Variants in PLEKHB2 observed in about 807,000 individuals in gnomAD.
PLEKHB2 encodes pleckstrin homology domain-containing family B member 2.
PLEKHB2 carries 31 observed loss-of-function variants against 36.5 expected under a neutral mutation model. The observed-to-expected ratio is 0.85, with a 90% CI of 0.64 to 1.15. The LOEUF (loss-of-function observed/expected upper bound fraction) is 1.15. Among genes scored for constraint, PLEKHB2 ranks in the 50% most tolerant of loss-of-function variants. The probability of loss-of-function intolerance (pLI) is 0.00; values close to 1 mark genes in which losing one functional copy is unlikely to be tolerated. For synonymous variants in PLEKHB2, 119 were observed against 112.0 expected, an observed-to-expected ratio of 1.06 and a Z score of -0.39; for missense variants, 262 against 295.3, an observed-to-expected ratio of 0.89 and a Z score of 0.83.
chr2:131,123,211 G>T (rs1451794544), intron 2 of PLEKHB2, among the ~76,000 whole-genome samples: 1 of 152,192 alleles, frequency 6.6e-6, no homozygotes, highest in Non-Finnish European at 1.5e-5. Flanking sequence ...ATCCCCATAT[G>T]TATGGGTTAA....
intron 1 of PLEKHB2, among the ~76,000 whole-genome samples, chr2:131,111,090 C>T (rs1454588014): frequency 2.0e-5 from 3 of 152,068 alleles, no homozygotes; most frequent in African/African-American, 7.2e-5. Context: ...CTGCAACCTC[C>T]GTCTCCCGGG....
chr2:131,137,834 C>T (rs1044146410), intron 6 of PLEKHB2, among the ~76,000 whole-genome samples: 18 of 151,732 alleles, frequency 1.2e-4, no homozygotes, highest in Non-Finnish European at 2.5e-4. Flanking sequence ...GTGTGGATTT[C>T]TTTGGGATTA....
intron 4 of PLEKHB2, among the ~76,000 whole-genome samples, chr2:131,128,805 A>G (rs973810027): frequency 6.6e-6 from 1 of 152,232 alleles, no homozygotes; most frequent in African/African-American, 2.4e-5. Flanking sequence ...TGTACAACCC[A>G]AAAGAGAGAA....
intron 1 of PLEKHB2, among the ~76,000 whole-genome samples, chr2:131,106,521 A>C (rs1299491986): frequency 1.3e-5 from 2 of 152,208 alleles, no homozygotes; most frequent in African/African-American, 4.8e-5. Flanking sequence ...ATGCACAGAC[A>C]CAGCTGTGCG....
intron 5 of PLEKHB2, among the ~76,000 whole-genome samples, chr2:131,131,723 A>G (rs572997655): frequency 6.6e-6 from 1 of 151,552 alleles, no homozygotes; most frequent in East Asian, 1.9e-4. Context: ...AGCTTACTCT[A>G]CAGCCGCAGT....
chr2:131,137,493 T>C (rs960465173), intron 6 of PLEKHB2, among the ~76,000 whole-genome samples: 1 of 152,220 alleles, frequency 6.6e-6, no homozygotes, highest in Non-Finnish European at 1.5e-5. Flanking sequence ...TGACAGTTTG[T>C]AGTTTTTGTG....
chr2:131,126,901 G>T, intron 4 of PLEKHB2, 115 bp downstream of exon 4: 1 of 644,310 alleles, frequency 1.6e-6, no homozygotes. Context: ...CAGAATAAGG[G>T]ACTCAGTGGA....
intron 7 of PLEKHB2, among the ~76,000 whole-genome samples, chr2:131,143,827 G>A (rs1699022017): frequency 6.6e-6 from 1 of 152,206 alleles, no homozygotes; most frequent in Non-Finnish European, 1.5e-5. Context: ...TAGGGCTGTT[G>A]CCGCTGTTTC....
chr2:131,123,673 C>T (rs922827047), intron 2 of PLEKHB2, among the ~76,000 whole-genome samples: 10 of 150,748 alleles, frequency 6.6e-5, no homozygotes, highest in Admixed American at 1.3e-4. Context: ...TACAGGTGTG[C>T]GCCACCATGC....
chr2:131,141,689 A>T (rs1225128536), intron 7 of PLEKHB2, among the ~76,000 whole-genome samples: 1 of 151,896 alleles, frequency 6.6e-6, no homozygotes, highest in African/African-American at 2.4e-5. Context: ...ATATTTGTCC[A>T]TTGTCTTGTG....
rs1227710914 is a variant in PLEKHB2, at chr2:131,125,759, T to G, written c.44T>G (p.Ile15Ser). ...TACTATTTTTTTTTTCCAGGTACTATTTTGAAGCGCTGGAAGAAGAACTGG... is the reference window on the plus strand; with the variant it reads ...TACTATTTTTTTTTTCCAGGTACTAGTTTGAAGCGCTGGAAGAAGAACTGG... ...KSGWLLRQSTILKRWKKNWFD... is the reference protein window; with the variant it reads ...KSGWLLRQSTSLKRWKKNWFD... The change falls in exon 3 of 8, where the codon ATT (isoleucine) becomes AGT (serine). Residue 15 changes from isoleucine (I) to serine (S), a missense_variant. Physicochemically the swap from Ile to Ser is moderately radical, Grantham distance 142 (BLOSUM62 -2). Coordinates refer to ENST00000693505, the MANE Select transcript of PLEKHB2 (RefSeq NM_001100623.2). The G allele has an allele frequency of 6.2e-7, 1 of 1,606,732 alleles. No homozygotes were observed. Among genetic ancestry groups the G allele is most frequent in the Non-Finnish European group, 8.5e-7 (1 of 1,177,064 alleles).
At chr2:131,141,639 C>CAAAAAAAAAAAAAAAAAAAAAAAAAAA (rs771541896) in intron 7 of PLEKHB2, among the ~76,000 whole-genome samples, 1 of 57,130 alleles carries the variant, frequency 1.8e-5, no homozygotes, top group Admixed American at 1.9e-4. Context: ...GACTCCGTCT[C>CAAAAAAAAAAAAAAAAAAAAAAAAAAA]AAAAAAAAAA....
chr2:131,122,492 G>A (rs867295999), intron 2 of PLEKHB2, among the ~76,000 whole-genome samples: 4 of 152,306 alleles, frequency 2.6e-5, no homozygotes, highest in African/African-American at 9.6e-5. Context: ...TTTACGAATT[G>A]TTTGTGTTCC....
rs1314961460 is a variant in PLEKHB2 at position 131,133,117 on chromosome 2, T to C, written c.423+126T>C. 1.9e-5 allele frequency: 12 copies of C among 644,976 alleles called. No homozygotes were observed. The African/African-American group carries it at 2.2e-4, about 12-fold the overall frequency. The allele number at this position is 644,976 out of a possible 1,614,324, so 40.0% of individuals were successfully genotyped here. A position where few individuals can be genotyped will look rare whatever the true frequency, so the allele number is the denominator to read the frequency against. On this transcript the variant is annotated intron_variant, in intron 6 of 7. Coordinates refer to ENST00000693505, the MANE Select transcript of PLEKHB2 (RefSeq NM_001100623.2). ...ACCTTTTCTTCTTAAAACAGATGATTTCTTATCAACGTTTGTTTTCATGAA... is the reference window on the plus strand; with the variant it reads ...ACCTTTTCTTCTTAAAACAGATGATCTCTTATCAACGTTTGTTTTCATGAA...
chr2:131,115,550 T>G (rs1466897299), intron 1 of PLEKHB2, among the ~76,000 whole-genome samples: 4 of 151,906 alleles, frequency 2.6e-5, no homozygotes, highest in African/African-American at 9.7e-5. Flanking sequence ...AGACGGGGTT[T>G]CACCATATTG....
At chr2:131,126,103 C>T (rs547705450) in intron 3 of PLEKHB2, among the ~76,000 whole-genome samples, 198 bp downstream of exon 3, 12 of 152,326 alleles carry the variant, frequency 7.9e-5, no homozygotes, top group African/African-American at 2.2e-4. Flanking sequence ...TCTCAGTCCA[C>T]GTCCCTCGTT....
intron 5 of PLEKHB2, 64 bp downstream of exon 5, chr2:131,130,824 A>T (rs1229056988): frequency 8.5e-7 from 1 of 1,172,884 alleles, no homozygotes; most frequent in East Asian, 2.3e-5. Context: ...ACTCTCACTC[A>T]GGCTTGAGTG....
At position 131,125,162 on chromosome 2, in the gene PLEKHB2, A is replaced by G. The variant is rs187726612; in HGVS notation, c.38-591A>G. Among the ~76,000 whole-genome samples the G allele has an allele frequency of 8.4e-4, 128 of 152,338 alleles. 1 individual carries two copies. Among genetic ancestry groups the G allele is most frequent in the South Asian group, 4.8e-3 (23 of 4,830 alleles). On this transcript the variant is annotated intron_variant, in intron 2 of 7. Coordinates refer to ENST00000693505, the MANE Select transcript of PLEKHB2 (RefSeq NM_001100623.2). ...TTCACAGTCCAGCATTTTCTGATCA[A>G]TCTGGCAATTTAGACAATATTTGGA...
rs910733433 is a variant in PLEKHB2, at chr2:131,134,880, C to G, written c.423+1889C>G. Reference sequence around the variant, plus strand: ...TGGACTGCATGTGTATTTAGATCCTCTTTGATTTTTTTCATCAGCATTTTG... The same window carrying G: ...TGGACTGCATGTGTATTTAGATCCTGTTTGATTTTTTTCATCAGCATTTTG... On this transcript the variant is annotated intron_variant, in intron 6 of 7. Coordinates refer to ENST00000693505, the MANE Select transcript of PLEKHB2 (RefSeq NM_001100623.2). 2.0e-5 allele frequency among the ~76,000 whole-genome samples: 3 copies of G among 152,058 alleles called. No homozygotes were observed. In the South Asian group the frequency reaches 6.2e-4, roughly 32 times the overall value.
Sources: gnomAD v4.1 joint callset for allele counts (sites outside exome capture counted in the v4.1 genomes callset) on GRCh38, gnomAD v4.1.1 for gene constraint, MANE v1.5 for transcripts, NCBI Gene and HGNC (gene_info 2026-07-23, HGNC 2026-07-21) for gene names.